PIK3CA: variants seen among roughly 807,000 people sequenced by gnomAD.
PIK3CA encodes phosphatidylinositol-4,5-bisphosphate 3-kinase catalytic subunit alpha.
In PIK3CA, 27 loss-of-function variants were observed where a neutral mutation model predicts 138.2. The observed-to-expected ratio is 0.20, with a 90% CI of 0.14 to 0.27. The LOEUF (loss-of-function observed/expected upper bound fraction) is 0.27. Ranked by LOEUF, PIK3CA falls within the 10% of genes least tolerant of loss-of-function variation. PIK3CA has a pLI of 1.00. For synonymous variants in PIK3CA, 358 were observed against 413.2 expected (o/e 0.87, Z 1.62); for missense variants, 544 against 1,277.4 (o/e 0.43, Z 8.75).
chr3:179,168,173 CTAGAG>C (rs1257933711), intron 1 of PIK3CA, among the ~76,000 whole-genome samples: 1 of 152,144 alleles, frequency 6.6e-6, no homozygotes, highest in Non-Finnish European at 1.5e-5. Context: ...CTTTGGTTGG[CTAGAG>C]TAATTAATCA....
At position 179,239,088 on chromosome 3, in the gene PIK3CA, T is replaced by C; in HGVS notation, c.*4724T>C. ...ATTTGTACACAACTACATATAAGAGTTTTAGTGGAGGAAAAAAATTAGTCC... is the reference window on the plus strand; with the variant it reads ...ATTTGTACACAACTACATATAAGAGCTTTAGTGGAGGAAAAAAATTAGTCC... On this transcript the variant is annotated 3_prime_UTR_variant, in exon 21 of 21. Transcript: ENST00000263967. 1 of 216,110 alleles carries C rather than the reference T, an allele frequency of 4.6e-6. No individual in the cohort carries two copies. The allele number at this position is 216,110 out of a possible 1,614,324, so 13.4% of individuals were successfully genotyped here.
At chr3:179,211,738 A>G (rs756052931) in intron 9 of PIK3CA, among the ~76,000 whole-genome samples, 2 of 152,148 alleles carry the variant, frequency 1.3e-5, no homozygotes, top group Non-Finnish European at 2.9e-5. Flanking sequence ...ACTTCAGTAA[A>G]TTGTTTATTG....
chr3:179,218,073 A>C, intron 9 of PIK3CA, 137 bp from the exon 10 acceptor site: 1 of 774,910 alleles, frequency 1.3e-6, no homozygotes. Flanking sequence ...TGCAATGAAA[A>C]TAAATTATTT....
chr3:179,231,747 A>G (rs1725218178), intron 20 of PIK3CA, among the ~76,000 whole-genome samples: 2 of 147,818 alleles, frequency 1.4e-5, no homozygotes, highest in Non-Finnish European at 3.0e-5. Flanking sequence ...GTTCAAAGCA[A>G]TTCTCCTGCC....
intron 1 of PIK3CA, among the ~76,000 whole-genome samples, chr3:179,191,497 G>A (rs771821275): frequency 2.0e-5 from 3 of 152,198 alleles, no homozygotes; most frequent in Non-Finnish European, 4.4e-5. Flanking sequence ...AATTGTGGCT[G>A]TTTGCATTGC....
At chr3:179,207,262 CAG>C (rs1053253998) in intron 6 of PIK3CA, among the ~76,000 whole-genome samples, 1 of 152,186 alleles carries the variant, frequency 6.6e-6, no homozygotes, top group African/African-American at 2.4e-5. Context: ...CTCCCAAAAT[CAG>C]AGTCAATTTG....
Position 179,210,348 on chromosome 3 carries a change from T to A in PIK3CA, c.1404+10T>A, listed in dbSNP as rs2108400903. On this transcript the variant is annotated intron_variant, in intron 8 of 20. Transcript: ENST00000263967. Reference sequence around the variant, plus strand: ...ATCAAATCCAAATAAAGTAAGGTTTTTATTGTCATAAATTAGATATTTTTT... The same window carrying A: ...ATCAAATCCAAATAAAGTAAGGTTTATATTGTCATAAATTAGATATTTTTT... 6.3e-7 allele frequency: 1 copy of A among 1,585,282 alleles called. No individual in the cohort carries two copies. The highest frequency in any genetic ancestry group is 8.5e-7 in the Non-Finnish European group (1 of 1,171,904).
At chr3:179,212,168 C>T (rs986772509) in intron 9 of PIK3CA, among the ~76,000 whole-genome samples, 3 of 151,778 alleles carry the variant, frequency 2.0e-5, no homozygotes, top group African/African-American at 7.3e-5. Context: ...CCACCATGCC[C>T]AGCTAATTTT....
chr3:179,184,254 G>A (rs1410635266), intron 1 of PIK3CA, among the ~76,000 whole-genome samples: 2 of 152,180 alleles, frequency 1.3e-5, no homozygotes, highest in African/African-American at 2.4e-5. Flanking sequence ...CACGATCACA[G>A]CAGCACAGTC....
intron 1 of PIK3CA, among the ~76,000 whole-genome samples, chr3:179,197,324 A>G (rs921078069): frequency 6.6e-5 from 10 of 152,196 alleles, no homozygotes; most frequent in African/African-American, 2.4e-4. Context: ...GGTGTGAGCC[A>G]CCATGCCCAG....
intron 1 of PIK3CA, among the ~76,000 whole-genome samples, chr3:179,197,129 C>T (rs1724286523): frequency 6.6e-6 from 1 of 152,052 alleles, no homozygotes; most frequent in African/African-American, 2.4e-5. Context: ...ACCTCTGCCT[C>T]CCAGGTTTAA....
chr3:179,170,301 G>T (rs996326911), intron 1 of PIK3CA, among the ~76,000 whole-genome samples: 2 of 152,110 alleles, frequency 1.3e-5, no homozygotes, highest in Admixed American at 6.5e-5. Flanking sequence ...AGACATATTC[G>T]CAAATTTTAA....
At chr3:179,202,939 G>GTTT (rs372017091) in intron 4 of PIK3CA, among the ~76,000 whole-genome samples, 64 of 119,018 alleles carry the variant, frequency 5.4e-4, no homozygotes, top group African/African-American at 1.0e-3. Flanking sequence ...TGTGATCCTT[G>GTTT]TTTTTTTTTT....
chr3:179,165,174 T>G (rs1723386252), intron 1 of PIK3CA, among the ~76,000 whole-genome samples: 1 of 152,136 alleles, frequency 6.6e-6, no homozygotes, highest in South Asian at 2.1e-4. Context: ...TGGAAGAGAC[T>G]GGGGGGAGAT....
intron 1 of PIK3CA, among the ~76,000 whole-genome samples, chr3:179,196,582 C>T (rs1474589279): frequency 6.6e-6 from 1 of 152,080 alleles, no homozygotes; most frequent in Non-Finnish European, 1.5e-5. Context: ...TTCTTATATT[C>T]TTCATTGTTT....
intron 17 of PIK3CA, among the ~76,000 whole-genome samples, chr3:179,228,291 G>A (rs1272615844): frequency 1.3e-5 from 2 of 151,922 alleles, no homozygotes; most frequent in Non-Finnish European, 2.9e-5. Context: ...ATGGTATAAT[G>A]AAAAGTATCA....
At chr3:179,151,477 G>T (rs964658861) in intron 1 of PIK3CA, among the ~76,000 whole-genome samples, 1 of 152,042 alleles carries the variant, frequency 6.6e-6, no homozygotes, top group Non-Finnish European at 1.5e-5. Flanking sequence ...TTCAATCCTG[G>T]CTACACATTA....
intron 1 of PIK3CA, among the ~76,000 whole-genome samples, chr3:179,152,932 CA>C (rs2108348387): frequency 6.6e-6 from 1 of 152,166 alleles, no homozygotes; most frequent in African/African-American, 2.4e-5. Context: ...TAATAATATG[CA>C]GGAGGGTACA....
In PIK3CA at chr3:179,162,444, C is replaced by T. The variant is rs184919479; in HGVS notation, c.-77+13841C>T. On this transcript the variant is annotated intron_variant, in intron 1 of 20. Transcript: ENST00000263967. ...CAGGCTGGTCTTGAACTCCTGGGCT[C>T]GAGCAGTCTGCCTACCTCAGTCTCC... is the stretch of plus-strand genomic sequence containing the variant. 3.4e-3 allele frequency among the ~76,000 whole-genome samples: 524 copies of T among 152,110 alleles called. 3 individuals carry two copies. Among genetic ancestry groups the T allele is most frequent in the Middle Eastern group, 0.024 (7 of 294 alleles).
Sources: allele counts gnomAD v4.1 joint callset (sites outside exome capture counted in the v4.1 genomes callset), GRCh38; gene constraint gnomAD v4.1.1; transcripts MANE v1.5; gene names NCBI Gene and HGNC (gene_info 2026-07-23, HGNC 2026-07-21).